Variants in ATP9B observed in about 807,000 individuals in gnomAD.
ATP9B encodes the protein probable phospholipid-transporting ATPase IIB.
A neutral mutation model predicts 146.1 loss-of-function variants in ATP9B; 110 were observed. That is an observed-to-expected ratio of 0.75 (90% CI 0.65 to 0.88). The LOEUF is 0.88. Among genes scored for constraint, ATP9B ranks in the 40% least tolerant of loss-of-function variants. ATP9B has a pLI of 0.00. For synonymous variants in ATP9B, 604 were observed against 569.7 expected (o/e 1.06, Z -0.86); for missense variants, 1,499 against 1,496.4 (o/e 1.00, Z -0.03).
intron 27 of ATP9B, 141 bp downstream of exon 27, chr18:79,373,023 G>T: frequency 3.7e-5 from 20 of 536,352 alleles, no homozygotes; most frequent in South Asian, 1.5e-4. Flanking sequence ...TGTTTATCTT[G>T]TAAATCAATA....
intron 9 of ATP9B, among the ~76,000 whole-genome samples, chr18:79,198,404 G>T (rs1035655674): frequency 6.6e-6 from 1 of 152,152 alleles, no homozygotes. Flanking sequence ...AATGAGAAAA[G>T]GGTTTATTAT....
chr18:79,257,255 G>A (rs1276975205), intron 12 of ATP9B, among the ~76,000 whole-genome samples: 1 of 152,176 alleles, frequency 6.6e-6, no homozygotes, highest in Admixed American at 6.5e-5. Flanking sequence ...AGCTGAGACC[G>A]TGCCACTGCA....
At chr18:79,086,080 G>A (rs1211650995) in intron 1 of ATP9B, 1 of 149,182 alleles carries the variant, frequency 6.7e-6, no homozygotes, top group Non-Finnish European at 1.5e-5. Flanking sequence ...TTATCTAATT[G>A]TCCAGTCCCA....
At chr18:79,149,936 T>G (rs1412948620) in intron 6 of ATP9B, among the ~76,000 whole-genome samples, 1 of 151,802 alleles carries the variant, frequency 6.6e-6, no homozygotes, top group Non-Finnish European at 1.5e-5. Context: ...TAAAAATTAG[T>G]TGGGTGTGGT....
intron 15 of ATP9B, among the ~76,000 whole-genome samples, chr18:79,326,607 G>GT (rs1226773191): frequency 6.6e-6 from 1 of 152,006 alleles, no homozygotes; most frequent in Non-Finnish European, 1.5e-5. Context: ...CATGGTGTTC[G>GT]GTTTCATCTC....
At chr18:79,250,764 T>A (rs776092968) in intron 11 of ATP9B, among the ~76,000 whole-genome samples, 1 of 152,198 alleles carries the variant, frequency 6.6e-6, no homozygotes, top group Admixed American at 6.5e-5. Flanking sequence ...GCAGCAGCGT[T>A]GGGAACTTCA....
At chr18:79,118,279 T>A (rs2094122445) in intron 4 of ATP9B, among the ~76,000 whole-genome samples, 1 of 152,090 alleles carries the variant, frequency 6.6e-6, no homozygotes, top group Non-Finnish European at 1.5e-5. Context: ...ATTTAAAAAC[T>A]GCTGTTGATT....
chr18:79,189,533 C>T (rs547041738), intron 8 of ATP9B, among the ~76,000 whole-genome samples: 3 of 152,174 alleles, frequency 2.0e-5, no homozygotes, highest in Admixed American at 6.5e-5. Flanking sequence ...GAAACCTTGC[C>T]GATAACCTAA....
At chr18:79,175,094 G>A (rs960764669) in intron 7 of ATP9B, among the ~76,000 whole-genome samples, 10 of 151,726 alleles carry the variant, frequency 6.6e-5, no homozygotes, top group Admixed American at 1.3e-4. Flanking sequence ...CCAGCTACTC[G>A]GAAGGCTGAG....
chr18:79,088,494 A>G (rs2074037361), intron 1 of ATP9B, among the ~76,000 whole-genome samples: 1 of 152,244 alleles, frequency 6.6e-6, no homozygotes, highest in Non-Finnish European at 1.5e-5. Flanking sequence ...TGCCTAAATT[A>G]TAATGAAACT....
intron 17 of ATP9B, among the ~76,000 whole-genome samples, chr18:79,334,791 C>A (rs1380255691): frequency 2.0e-5 from 3 of 150,838 alleles, no homozygotes; most frequent in African/African-American, 4.9e-5. Flanking sequence ...CCACCCCCCC[C>A]TTGTGCCGGA....
At chr18:79,289,038 G>C (rs1400494878) in intron 13 of ATP9B, among the ~76,000 whole-genome samples, 1 of 152,118 alleles carries the variant, frequency 6.6e-6, no homozygotes, top group South Asian at 2.1e-4. Flanking sequence ...CTCTCTGGCT[G>C]CCCTTAACAT....
chr18:79,204,409 T>C (rs1006072057), intron 9 of ATP9B, among the ~76,000 whole-genome samples: 18 of 152,200 alleles, frequency 1.2e-4, no homozygotes, highest in African/African-American at 4.3e-4. Context: ...CCCTTCCTGA[T>C]ACAAATACTA....
chr18:79,297,084 A>G lies in ATP9B; in HGVS notation c.1412-6520A>G, dbSNP rs548277328. Among the ~76,000 whole-genome samples the G allele has an allele frequency of 1.8e-4, 27 of 151,672 alleles. No individual in the cohort carries two copies. The East Asian group carries it at 5.3e-3, about 29-fold the overall frequency. ...AAGACAGAGAGATGACCCAGAGAGG[A>G]GACACAGACGACCCAGAGAGAAGAC... On this transcript the variant is annotated intron_variant, in intron 13 of 29. Transcript: ENST00000426216.
chr18:79,102,263 G>T (rs2075335546), intron 2 of ATP9B, among the ~76,000 whole-genome samples: 1 of 152,158 alleles, frequency 6.6e-6, no homozygotes, highest in Non-Finnish European at 1.5e-5. Context: ...TTACTTTTGT[G>T]AATTGTGCTT....
intron 25 of ATP9B, among the ~76,000 whole-genome samples, chr18:79,355,588 A>G (rs1224444523): frequency 1.3e-5 from 2 of 152,138 alleles, no homozygotes; most frequent in Admixed American, 6.5e-5. Context: ...AAAAAAATGG[A>G]TCAGAGCCTC....
intron 17 of ATP9B, among the ~76,000 whole-genome samples, chr18:79,335,394 C>T (rs551180327): frequency 5.3e-5 from 8 of 152,348 alleles, no homozygotes; most frequent in Non-Finnish European, 1.2e-4. Context: ...AGCCTTGTCC[C>T]AGAGAGCCTG....
rs530976567 is a variant in ATP9B, at chr18:79,086,487, A to G, written c.120-9989A>G. The G allele has an allele frequency of 8.7e-4, 129 of 147,518 alleles. 2 individuals are homozygous for G. Among genetic ancestry groups the G allele is most frequent in the African/African-American group, 3.1e-3 (125 of 40,480 alleles). 9.1% of individuals were successfully genotyped at this position (147,518 alleles called of 1,614,324 possible). On this transcript the variant is annotated intron_variant, in intron 1 of 29. Coordinates refer to ENST00000426216, the MANE Select transcript of ATP9B (RefSeq NM_198531.5). The stretch of plus-strand genomic sequence containing the variant: ...ATCTCAAGTTTAAAAAATTATTTAC[A>G]CTTGCCAGAATAGAAATGTTTTACT...
chr18:79,140,791 A>C (rs2094504579), intron 5 of ATP9B, among the ~76,000 whole-genome samples: 1 of 151,930 alleles, frequency 6.6e-6, no homozygotes, highest in Non-Finnish European at 1.5e-5. Context: ...AAACAGCAGC[A>C]AAAAAAAGAG....
Sources: allele counts gnomAD v4.1 joint callset (sites outside exome capture counted in the v4.1 genomes callset), GRCh38; gene constraint gnomAD v4.1.1; transcripts MANE v1.5; gene names NCBI Gene and HGNC (gene_info 2026-07-23, HGNC 2026-07-21).